The following MAN2B2 variants were observed in gnomAD, a reference collection of about 807,000 sequenced individuals.
The protein encoded by MAN2B2 is mannosidase alpha class 2B member 2, also known as epididymis-specific alpha-mannosidase.
MAN2B2 carries 106 observed loss-of-function variants against 117.1 expected under a neutral mutation model. That is an observed-to-expected ratio of 0.90 (90% confidence interval 0.77 to 1.06). The LOEUF (loss-of-function observed/expected upper bound fraction) is 1.06, where lower values mean the gene tolerates loss of function less well. MAN2B2 is among the 50% of genes least tolerant of loss of function. MAN2B2 has a pLI of 0.00. For synonymous variants in MAN2B2, 544 were observed against 595.1 expected (o/e 0.91, Z 1.25); for missense variants, 1,326 against 1,381.4 (o/e 0.96, Z 0.64).
At position 6,605,047 on chromosome 4, in the gene MAN2B2, C is replaced by A. The variant is rs1304856521; in HGVS notation, c.1540-8C>A. On this transcript the variant is annotated splice_region_variant and splice_polypyrimidine_tract_variant and intron_variant, in intron 10 of 18. Transcript: ENST00000285599. ...CAGTTAACAAGTCTCATCCTGCTGG[C>A]CTTGCAGATCCAGAACTCAACAGAG... is the stretch of plus-strand genomic sequence containing the variant. The A allele has an allele frequency of 3.1e-6, 5 of 1,605,878 alleles. No individual in the cohort carries two copies. The highest frequency in any genetic ancestry group is 1.1e-5 in the South Asian group (1 of 90,806).
intron 13 of MAN2B2, 29 bp from the exon 14 acceptor site, chr4:6,610,851 C>A: frequency 6.2e-7 from 1 of 1,605,978 alleles, no homozygotes; most frequent in Non-Finnish European, 8.5e-7. Flanking sequence ...TTGCCCCAAT[C>A]GCCCACCTGG....
intron 3 of MAN2B2, among the ~76,000 whole-genome samples, chr4:6,585,241 C>G (rs1172388616): frequency 1.3e-5 from 2 of 152,182 alleles, no homozygotes; most frequent in Admixed American, 1.3e-4. Flanking sequence ...GACTGCTGCT[C>G]GGTCCCAGCA....
chr4:6,585,659 G>T (rs1726602091), intron 3 of MAN2B2, among the ~76,000 whole-genome samples: 1 of 152,224 alleles, frequency 6.6e-6, no homozygotes, highest in South Asian at 2.1e-4. Flanking sequence ...TGTGGGTGAA[G>T]AGCTCAGGAG....
In MAN2B2 at chr4:6,576,601, C is replaced by T. The variant is rs574653051; in HGVS notation, c.162C>T (p.Ala54=). 3.3e-4 allele frequency: 526 copies of T among 1,610,766 alleles called. 10 individuals are homozygous for T. The South Asian group carries it at 5.5e-3, about 17-fold the overall frequency. Residue 54 remains alanine, a synonymous_variant, in exon 2 of 19, where the codon GCC becomes GCT. Coordinates refer to ENST00000285599, the MANE Select transcript of MAN2B2 (RefSeq NM_015274.3). ...TVQESMRAYA[A]NVYTSVVEEL... ...AGGAAAGCATGCGGGCGTACGCCGC[C>T]AATGTCTACACCTCAGTGGTGGAAG...
chr4:6,609,746 G>A lies in MAN2B2; in HGVS notation c.2007-52G>A, dbSNP rs117374854. ...ATGAAGGAAGGGAAGCAAAAAGGAA[G>A]CATCTAGAAGGTTCCTGGAGCTTCA... is the stretch of plus-strand genomic sequence containing the variant. On this transcript the variant is annotated intron_variant, in intron 12 of 18. Transcript: ENST00000285599. The A allele has an allele frequency of 4.0e-4, 552 of 1,371,942 alleles. 2 individuals carry two copies. The East Asian group carries it at 0.015, about 37-fold the overall frequency. The allele number at this position is 1,371,942 out of a possible 1,614,324, so 85.0% of individuals were successfully genotyped here. A position where few individuals can be genotyped will look rare whatever the true frequency, so the allele number is the denominator to read the frequency against.
Position 6,597,214 on chromosome 4 carries a change from A to C in MAN2B2, c.1159A>C (p.Thr387Pro), listed in dbSNP as rs1285047462. Reference sequence around the variant, plus strand: ...GTTGTATGCCGGGGAGTCCATGTTCACACGCTACCTGTGGCCGGCCCCCCG... The same window carrying C: ...GTTGTATGCCGGGGAGTCCATGTTCCCACGCTACCTGTGGCCGGCCCCCCG... ...ALLYAGESMFTRYLWPAPRGH... is the reference protein window; with the variant it reads ...ALLYAGESMFPRYLWPAPRGH... The change falls in exon 8 of 19, where the codon ACA (threonine) becomes CCA (proline). Residue 387 changes from threonine to proline, a missense_variant. Thr to Pro is a conservative substitution (Grantham distance 38). Coordinates refer to ENST00000285599, the MANE Select transcript of MAN2B2 (RefSeq NM_015274.3). The C allele has an allele frequency of 8.1e-6, 13 of 1,609,958 alleles. No individual in the cohort carries two copies. The highest frequency in any genetic ancestry group is 1.1e-5 in the Non-Finnish European group (13 of 1,178,090).
chr4:6,578,879 G>A (rs1394144779), intron 3 of MAN2B2, among the ~76,000 whole-genome samples: 1 of 151,816 alleles, frequency 6.6e-6, no homozygotes, highest in African/African-American at 2.4e-5. Flanking sequence ...TAGGATGTGG[G>A]TTCCCTAGTA....
chr4:6,597,390 C>G, intron 8 of MAN2B2, 87 bp downstream of exon 8: 3 of 1,368,448 alleles, frequency 2.2e-6, no homozygotes, highest in Non-Finnish European at 2.9e-6. Context: ...TCCTTCCAGC[C>G]CTGGGGCACT....
At chr4:6,605,977 C>A (rs1727530823) in intron 11 of MAN2B2, among the ~76,000 whole-genome samples, 1 of 152,210 alleles carries the variant, frequency 6.6e-6, no homozygotes, top group African/African-American at 2.4e-5. Flanking sequence ...TCAGAGTGGG[C>A]AGCTGACCTC....
At chr4:6,621,061 G>A (rs1712146763) in intron 18 of MAN2B2, 127 bp from the exon 19 acceptor site, 1 of 656,730 alleles carries the variant, frequency 1.5e-6, no homozygotes. Context: ...GCAGATTGTA[G>A]ACAGGTGCAG....
At chr4:6,616,378 C>T (rs1263970922) in intron 16 of MAN2B2, among the ~76,000 whole-genome samples, 1 of 152,198 alleles carries the variant, frequency 6.6e-6, no homozygotes, top group Non-Finnish European at 1.5e-5. Flanking sequence ...CAAATGACAG[C>T]ATTATATCAG....
In MAN2B2 at chr4:6,585,594, G is replaced by A. The variant is rs77641931; in HGVS notation, c.392-1402G>A. ...TCCTTTGTATTCATGATCTATTTCC[G>A]TGTAGCAAATTGCCCCCAAACTTCT... On this transcript the variant is annotated intron_variant, in intron 3 of 18. Coordinates refer to ENST00000285599, the MANE Select transcript of MAN2B2 (RefSeq NM_015274.3). Among the ~76,000 whole-genome samples the A allele has an allele frequency of 7.8e-3, 1,190 of 152,284 alleles. 18 individuals are homozygous for A. Among genetic ancestry groups the A allele is most frequent in the African/African-American group, 0.027 (1,105 of 41,552 alleles).
At chr4:6,576,074 C>A (rs1004135732) in intron 1 of MAN2B2, among the ~76,000 whole-genome samples, 1 of 152,158 alleles carries the variant, frequency 6.6e-6, no homozygotes, top group Non-Finnish European at 1.5e-5. Flanking sequence ...CAGCTGTGGT[C>A]CTTGGAGCTC....
At chr4:6,578,286 G>C in intron 2 of MAN2B2, 107 bp from the exon 3 acceptor site, 1 of 756,862 alleles carries the variant, frequency 1.3e-6, no homozygotes, top group Non-Finnish European at 2.3e-6. Flanking sequence ...AGCAAGGGTG[G>C]GGAGTTTTAT....
rs542920193 is a variant in MAN2B2, at chr4:6,616,811, G to A, written c.2702-569G>A. On this transcript the variant is annotated intron_variant, in intron 16 of 18. Coordinates refer to ENST00000285599, the MANE Select transcript of MAN2B2 (RefSeq NM_015274.3). Reference sequence around the variant, plus strand: ...TGGGTGGGAATCCTCCCTCTGCCGCGCACCAGCTGTATGCCTTGGGCACGT... The same window carrying A: ...TGGGTGGGAATCCTCCCTCTGCCGCACACCAGCTGTATGCCTTGGGCACGT... Among the ~76,000 whole-genome samples, 12 of 152,270 alleles carry A rather than the reference G, an allele frequency of 7.9e-5. No homozygotes were observed. The South Asian group carries it at 8.3e-4, about 11-fold the overall frequency.
At chr4:6,618,440 C>T (rs1203250789) in intron 17 of MAN2B2, 2 of 152,240 alleles carry the variant, frequency 1.3e-5, no homozygotes, top group African/African-American at 4.8e-5. Context: ...GCATCTCCGG[C>T]ACCCCATGCC....
chr4:6,620,139 C>T (rs534127743), intron 18 of MAN2B2, 95 bp downstream of exon 18: 29 of 1,034,910 alleles, frequency 2.8e-5, no homozygotes, highest in Middle Eastern at 3.1e-4. Flanking sequence ...CTGCCTGTCC[C>T]GGCCTGTGCG....
chr4:6,594,747 G>A lies in MAN2B2; in HGVS notation c.1057+15G>A, dbSNP rs1375657085. Reference sequence around the variant, plus strand: ...CTATTCCACAGGTACAGGCTTCCAGGGGCTGGGGTGGTAGTTTGGTGGCAG... The same window carrying A: ...CTATTCCACAGGTACAGGCTTCCAGAGGCTGGGGTGGTAGTTTGGTGGCAG... On this transcript the variant is annotated intron_variant, in intron 7 of 18. Coordinates refer to ENST00000285599, the MANE Select transcript of MAN2B2 (RefSeq NM_015274.3). 6.2e-7 allele frequency: 1 copy of A among 1,601,140 alleles called. No homozygotes were observed. The highest frequency in any genetic ancestry group is 1.3e-5 in the African/African-American group (1 of 74,460).
intron 9 of MAN2B2, among the ~76,000 whole-genome samples, chr4:6,599,121 G>A (rs950096464): frequency 2.0e-5 from 3 of 152,204 alleles, no homozygotes; most frequent in African/African-American, 7.2e-5. Context: ...TTTTGAGACA[G>A]GGTCTCGCTG....
Sources: gnomAD v4.1 joint callset for allele counts (sites outside exome capture counted in the v4.1 genomes callset) on GRCh38, gnomAD v4.1.1 for gene constraint, MANE v1.5 for transcripts, NCBI Gene and HGNC (gene_info 2026-07-23, HGNC 2026-07-21) for gene names.